The following TANC2 variants were observed in gnomAD, a reference collection of about 807,000 sequenced individuals.
TANC2 encodes the protein protein TANC2.
In TANC2, 26 loss-of-function variants were observed where a neutral mutation model predicts 210.5. That is an observed-to-expected ratio of 0.12 (90% CI 0.09 to 0.17). TANC2 has a LOEUF of 0.17. Among genes scored for constraint, TANC2 ranks in the 10% least tolerant of loss-of-function variants. The probability of loss-of-function intolerance (pLI) is 1.00; values close to 1 mark genes in which losing one functional copy is unlikely to be tolerated. For missense variants in TANC2, 2,129 were observed against 2,608.9 expected (o/e 0.82, Z 4.01); for synonymous variants, 931 against 967.1 (o/e 0.96, Z 0.69).
chr17:63,342,394 T>C (rs1341875664), intron 12 of TANC2, among the ~76,000 whole-genome samples: 2 of 152,146 alleles, frequency 1.3e-5, no homozygotes, highest in Admixed American at 1.3e-4. Flanking sequence ...TTGAACATAG[T>C]AGGCATTTTA....
rs534965097 is a variant in TANC2 at position 63,238,055 on chromosome 17, G to C, written c.1011G>C (p.Met337Ile). ...TACAGTCTATTCCTTTGTATCTCAT[G>C]CCACGGCCAAATTCAGTAGCAGGTA... The change falls in exon 8 of 28, where the codon ATG becomes ATC. Residue 337 changes from methionine to isoleucine, a missense_variant. Physicochemically the swap from Met to Ile is conservative, Grantham distance 10. Around this residue, in one of 5 missense-constraint regions of TANC2, gnomAD observed 739 missense variants for 848.0 expected, o/e 0.87. Coordinates refer to ENST00000689528, the Ensembl canonical transcript of TANC2. The C allele has an allele frequency of 2.6e-6, 4 of 1,538,122 alleles. No individual in the cohort carries two copies. In the South Asian group the frequency reaches 3.7e-5, roughly 14 times the overall value.
intron 1 of TANC2, among the ~76,000 whole-genome samples, chr17:63,002,507 ATG>A (rs2033432346): frequency 6.6e-6 from 1 of 152,178 alleles, no homozygotes; most frequent in Non-Finnish European, 1.5e-5. Context: ...AGACATCTAT[ATG>A]CTTTCTCCTA....
chr17:63,312,278 A>G (rs2429424), intron 9 of TANC2, among the ~76,000 whole-genome samples: 90,078 of 152,038 alleles, frequency 0.59, 28,991 homozygotes, highest in African/African-American at 0.84. Flanking sequence ...GTTCATTAAA[A>G]TACTAGTGAC....
chr17:63,035,829 T>C (rs2034949923), intron 2 of TANC2, among the ~76,000 whole-genome samples: 1 of 152,170 alleles, frequency 6.6e-6, no homozygotes, highest in Non-Finnish European at 1.5e-5. Flanking sequence ...ACCAGCAACA[T>C]ATAAGAGTTC....
chr17:62,969,082 G>GA (rs1184887489), intron 1 of TANC2, among the ~76,000 whole-genome samples: 1 of 151,956 alleles, frequency 6.6e-6, no homozygotes, highest in Non-Finnish European at 1.5e-5. Context: ...TGTATTGCTT[G>GA]AAAAAAATCT....
At chr17:63,197,488 T>C (rs2041383559) in intron 6 of TANC2, 1 of 152,196 alleles carries the variant, frequency 6.6e-6, no homozygotes, top group African/African-American at 2.4e-5. Flanking sequence ...AACAGTGTAT[T>C]AACAAAGATA....
In TANC2 at chr17:63,420,130, C is replaced by T. The variant is rs564995228; in HGVS notation, c.4400C>T (p.Pro1467Leu). 2.4e-5 allele frequency: 38 copies of T among 1,552,970 alleles called. No homozygotes were observed. Among genetic ancestry groups the T allele is most frequent in the Middle Eastern group, 1.7e-4 (1 of 6,012 alleles). The change falls in exon 28 of 28, where the codon CCG becomes CTG. Residue 1467 changes from proline to leucine, a missense_variant. By Grantham distance (98) the Pro-to-Leu change is moderately conservative. This residue lies in a region of TANC2 where 584 missense variants were observed against 627.3 expected (regional missense o/e 0.93). Coordinates refer to ENST00000689528, the Ensembl canonical transcript of TANC2. The surrounding 1 kb of genome is among the most constrained non-coding windows in gnomAD (Gnocchi z 4.2). ...ATGCAGCAGCCACAGCAGCCACCGC[C>T]GCCACCGCAGCCTCAGCAGCAGTTG...
At chr17:63,270,736 G>T (rs1051222767) in intron 9 of TANC2, among the ~76,000 whole-genome samples, 1 of 151,926 alleles carries the variant, frequency 6.6e-6, no homozygotes, top group South Asian at 2.1e-4. Context: ...GAGTCATGGG[G>T]GTTTCTTGTA....
intron 5 of TANC2, among the ~76,000 whole-genome samples, chr17:63,174,684 G>T (rs1357567237): frequency 3.9e-5 from 6 of 152,092 alleles, no homozygotes; most frequent in Non-Finnish European, 5.9e-5. Flanking sequence ...AAATATGTTT[G>T]TATGTTAGCA....
In TANC2 at chr17:63,412,602, T is replaced by A. The variant is rs1599072133; in HGVS notation, c.3899-78T>A. ...CTGCCTGCCTCTCACTGCTGCTTTT[T>A]CCTTCTTTTTTTTTTTTTCACCTTC... On this transcript the variant is annotated intron_variant, in intron 23 of 27. Transcript: ENST00000689528. The surrounding 1 kb of genome is among the most constrained non-coding windows in gnomAD (Gnocchi z 4.2). 1.2e-5 allele frequency: 17 copies of A among 1,383,994 alleles called. No individual in the cohort carries two copies. The highest frequency in any genetic ancestry group is 1.6e-5 in the Non-Finnish European group (16 of 1,013,194). The allele number at this position is 1,383,994 out of a possible 1,614,324, so 85.7% of individuals were successfully genotyped here. A position where few individuals can be genotyped will look rare whatever the true frequency, so the allele number is the denominator to read the frequency against.
chr17:63,272,658 A>G (rs2043748548), intron 9 of TANC2, among the ~76,000 whole-genome samples: 1 of 152,154 alleles, frequency 6.6e-6, no homozygotes, highest in Non-Finnish European at 1.5e-5. Flanking sequence ...TTCTCCTGAT[A>G]GAGATAATTC....
intron 1 of TANC2, chr17:63,004,616 A>T (rs1347111710): frequency 4.9e-6 from 1 of 205,308 alleles, no homozygotes; most frequent in Non-Finnish European, 1.0e-5. Flanking sequence ...AAAAAGGAAA[A>T]CAAAATTCTG....
chr17:63,261,263 C>G (rs888189234), intron 8 of TANC2, among the ~76,000 whole-genome samples: 3 of 151,782 alleles, frequency 2.0e-5, no homozygotes, highest in African/African-American at 7.3e-5. Context: ...AAAAAAAAAT[C>G]ATTAACTAGG....
rs377330946 is a variant in TANC2 at position 63,235,062 on chromosome 17, AT to A, written c.770-2742del. ...ATGTATATGAGCTTTTTCTGAGGTG[AT>A]TTTTTTTTTACCAGTTATCAAAAAA... On this transcript the variant is annotated intron_variant, in intron 7 of 27. Transcript: ENST00000689528. Among the ~76,000 whole-genome samples, 1,304 of 149,702 alleles carry A rather than the reference AT, an allele frequency of 8.7e-3. 15 individuals carry two copies. Among genetic ancestry groups the A allele is most frequent in the African/African-American group, 0.029 (1,176 of 40,910 alleles).
At chr17:63,231,081 A>G (rs2042463405) in intron 7 of TANC2, among the ~76,000 whole-genome samples, 1 of 151,978 alleles carries the variant, frequency 6.6e-6, no homozygotes, top group African/African-American at 2.4e-5. Flanking sequence ...AGAGACTAGG[A>G]TTGCAACCCC....
rs113343539 is a variant in TANC2 at position 62,973,030 on chromosome 17, A to AT, written c.-24+6298dup. 3.6e-3 allele frequency among the ~76,000 whole-genome samples: 474 copies of AT among 132,750 alleles called. 1 individual carries two copies. Among genetic ancestry groups the AT allele is most frequent in the Non-Finnish European group, 4.4e-3 (266 of 61,118 alleles). 87.1% of individuals were successfully genotyped at this position (132,750 alleles called of 152,430 possible). Reference sequence around the variant, plus strand: ...ACTTGGTGTATATAGTAGTTGCCGCATTTTTTTTTTTTTTTTTACACGGCG... The same window carrying AT: ...ACTTGGTGTATATAGTAGTTGCCGCATTTTTTTTTTTTTTTTTTACACGGCG... On this transcript the variant is annotated intron_variant, in intron 1 of 27. Transcript: ENST00000689528.
At chr17:63,271,236 A>T (rs1241694688) in intron 9 of TANC2, among the ~76,000 whole-genome samples, 1 of 152,104 alleles carries the variant, frequency 6.6e-6, no homozygotes, top group African/African-American at 2.4e-5. Context: ...GAATTGCCAC[A>T]CTGTTTTCCA....
At chr17:63,155,532 A>G (rs1598486859) in intron 5 of TANC2, among the ~76,000 whole-genome samples, 1 of 152,274 alleles carries the variant, frequency 6.6e-6, no homozygotes, top group African/African-American at 2.4e-5. Context: ...TGACACAGAT[A>G]ATGGTAGGCC....
intron 9 of TANC2, among the ~76,000 whole-genome samples, chr17:63,289,300 C>T (rs1443430): frequency 0.23 from 34,245 of 151,954 alleles, 3,935 homozygotes; most frequent in South Asian, 0.3. Context: ...TGGTATTCCC[C>T]ATTATGCATA....
Sources: allele counts gnomAD v4.1 joint callset (sites outside exome capture counted in the v4.1 genomes callset), GRCh38; gene constraint gnomAD v4.1.1; regional missense constraint gnomAD v4.1.1; non-coding constraint Gnocchi (gnomAD v3.1); transcripts MANE v1.5; gene names NCBI Gene and HGNC (gene_info 2026-07-23, HGNC 2026-07-21).